Variants in SNX29 observed in about 807,000 individuals in gnomAD.
SNX29 encodes sorting nexin-29.
SNX29 carries 78 observed loss-of-function variants against 102.1 expected under a neutral mutation model. That is an observed-to-expected ratio of 0.76 (90% confidence interval 0.64 to 0.92). SNX29 has a LOEUF of 0.92. Ranked by LOEUF, SNX29 falls within the 40% of genes least tolerant of loss-of-function variation. The pLI is 0.00. For synonymous variants in SNX29, 580 were observed against 414.5 expected (o/e 1.40, Z -4.85); for missense variants, 1,280 against 1,061.7 (o/e 1.21, Z -2.86).
At chr16:12,105,665 G>C (rs532605807) in intron 11 of SNX29, among the ~76,000 whole-genome samples, 2 of 152,068 alleles carry the variant, frequency 1.3e-5, no homozygotes, top group Non-Finnish European at 2.9e-5. Context: ...TTTAGTGATG[G>C]AAAAACTCAA....
At chr16:12,305,638 A>T (rs1218009775) in intron 15 of SNX29, among the ~76,000 whole-genome samples, 1 of 152,168 alleles carries the variant, frequency 6.6e-6, no homozygotes, top group East Asian at 1.9e-4. Flanking sequence ...CATTGCATGG[A>T]AATATTATTT....
At chr16:12,161,371 G>A (rs1350230594) in intron 13 of SNX29, among the ~76,000 whole-genome samples, 1 of 152,184 alleles carries the variant, frequency 6.6e-6, no homozygotes, top group African/African-American at 2.4e-5. Context: ...GGCCCATGTG[G>A]TCACTGGGAA....
At chr16:12,530,219 C>T (rs922353251) in intron 20 of SNX29, among the ~76,000 whole-genome samples, 2 of 152,188 alleles carry the variant, frequency 1.3e-5, no homozygotes, top group Non-Finnish European at 2.9e-5. Context: ...TTGGCTCTTC[C>T]ACTGAGGAGG....
chr16:12,039,857 C>T (rs1045826753), intron 4 of SNX29, among the ~76,000 whole-genome samples: 3 of 152,192 alleles, frequency 2.0e-5, no homozygotes, highest in Non-Finnish European at 1.5e-5. Context: ...GTCCTGGCTT[C>T]AGACCTTGTC....
At chr16:12,008,330 C>T (rs1053483325) in intron 3 of SNX29, among the ~76,000 whole-genome samples, 9 of 152,164 alleles carry the variant, frequency 5.9e-5, no homozygotes, top group East Asian at 1.9e-4. Context: ...ACTGCAATGG[C>T]GCGATCTTGG....
chr16:12,046,481 G>C, intron 6 of SNX29, 27 bp downstream of exon 6: 2 of 1,612,996 alleles, frequency 1.2e-6, no homozygotes, highest in Non-Finnish European at 1.7e-6. Flanking sequence ...CCAGGGTGCA[G>C]GGCCTTGTGA....
At chr16:12,481,465 TACAC>T (rs138169617) in intron 19 of SNX29, among the ~76,000 whole-genome samples, 94 of 102,652 alleles carry the variant, frequency 9.2e-4, no homozygotes, top group South Asian at 8.8e-3. Context: ...CATATATATA[TACAC>T]ATATATACAC....
At chr16:12,548,963 C>G (rs1237308519) in intron 20 of SNX29, among the ~76,000 whole-genome samples, 1 of 152,214 alleles carries the variant, frequency 6.6e-6, no homozygotes. Flanking sequence ...TCTCAAGCAA[C>G]AGCACAAGTG....
intron 3 of SNX29, among the ~76,000 whole-genome samples, chr16:12,005,339 G>C (rs1040743858): frequency 2.6e-5 from 4 of 152,124 alleles, no homozygotes; most frequent in African/African-American, 9.7e-5. Flanking sequence ...TCTAAGTCCT[G>C]TCCTAGTTGT....
At chr16:12,533,925 G>A (rs898962619) in intron 20 of SNX29, among the ~76,000 whole-genome samples, 4 of 152,182 alleles carry the variant, frequency 2.6e-5, no homozygotes, top group Non-Finnish European at 5.9e-5. Flanking sequence ...TATAAAATCT[G>A]ATGTTTAAGT....
At position 12,086,152 on chromosome 16, in the gene SNX29, C is replaced by T. The variant is rs903199899; in HGVS notation, c.1402+7237C>T. Among the ~76,000 whole-genome samples, 8 of 151,260 alleles carry T rather than the reference C, an allele frequency of 5.3e-5. No individual in the cohort carries two copies. The South Asian group carries it at 6.3e-4, about 12-fold the overall frequency. On this transcript the variant is annotated intron_variant, in intron 11 of 20. Coordinates refer to ENST00000566228, the MANE Select transcript of SNX29 (RefSeq NM_032167.5). ...CCAAGTAGCTGGGACTACAGGCGCC[C>T]GCCACCACGCCTGGCTAATTTTTTG...
intron 16 of SNX29, among the ~76,000 whole-genome samples, chr16:12,358,179 G>C (rs1349827127): frequency 7.5e-6 from 1 of 132,878 alleles, no homozygotes; most frequent in Non-Finnish European, 1.8e-5. Flanking sequence ...TAAAGTAAAA[G>C]CACCTATTTA....
At chr16:12,469,707 G>A (rs1426348846) in intron 18 of SNX29, among the ~76,000 whole-genome samples, 1 of 152,182 alleles carries the variant, frequency 6.6e-6, no homozygotes, top group Non-Finnish European at 1.5e-5. Context: ...TTGTTTTAAG[G>A]CATACAAAAC....
In SNX29 at chr16:12,568,727, C is replaced by T. The variant is rs1266838714; in HGVS notation, c.*98C>T. ...CCTCACCTCAGCGTGACAACCACGTCCACCTGGTGATCCTGAGAGCACACG... is the reference window on the plus strand; with the variant it reads ...CCTCACCTCAGCGTGACAACCACGTTCACCTGGTGATCCTGAGAGCACACG... On this transcript the variant is annotated 3_prime_UTR_variant, in exon 21 of 21. Transcript: ENST00000566228. 3.3e-6 allele frequency: 5 copies of T among 1,505,074 alleles called. No homozygotes were observed. Among genetic ancestry groups the T allele is most frequent in the African/African-American group, 2.8e-5 (2 of 72,374 alleles). The allele number at this position is 1,505,074 out of a possible 1,614,324, so 93.2% of individuals were successfully genotyped here.
chr16:11,987,570 T>C (rs1197024450), intron 1 of SNX29, among the ~76,000 whole-genome samples: 2 of 152,058 alleles, frequency 1.3e-5, no homozygotes, highest in African/African-American at 4.8e-5. Flanking sequence ...CTAATTTTTG[T>C]ATTATTAGTA....
At chr16:12,034,024 C>T (rs1378304994) in intron 4 of SNX29, among the ~76,000 whole-genome samples, 2 of 152,148 alleles carry the variant, frequency 1.3e-5, no homozygotes, top group African/African-American at 4.8e-5. Flanking sequence ...AAGCCAAACC[C>T]CTACTCTCAG....
chr16:12,011,189 G>GTTTT (rs369528003), intron 3 of SNX29, among the ~76,000 whole-genome samples: 17 of 124,044 alleles, frequency 1.4e-4, no homozygotes, highest in African/African-American at 4.2e-4. Flanking sequence ...ATTGCTTGGG[G>GTTTT]TTTTTTTTTT....
intron 20 of SNX29, among the ~76,000 whole-genome samples, chr16:12,565,107 C>T (rs1456063986): frequency 6.6e-6 from 1 of 150,738 alleles, no homozygotes; most frequent in Non-Finnish European, 1.5e-5. Flanking sequence ...CTTCTGAGTA[C>T]TGGCCCTAGT....
intron 19 of SNX29, among the ~76,000 whole-genome samples, chr16:12,494,703 G>T (rs565377345): frequency 3.8e-4 from 58 of 152,284 alleles, no homozygotes; most frequent in Middle Eastern, 3.4e-3. Flanking sequence ...GGAAAGTGAA[G>T]TTCTTTTTTG....
Sources: gnomAD v4.1 joint callset for allele counts (sites outside exome capture counted in the v4.1 genomes callset) on GRCh38, gnomAD v4.1.1 for gene constraint, MANE v1.5 for transcripts, NCBI Gene and HGNC (gene_info 2026-07-23, HGNC 2026-07-21) for gene names.